Variants in FOXP1 observed in about 807,000 individuals in gnomAD.
The protein encoded by FOXP1 is forkhead box protein P1.
In FOXP1, 15 loss-of-function variants were observed where a neutral mutation model predicts 98.2. That is an observed-to-expected ratio of 0.15 (90% CI 0.10 to 0.24). The LOEUF (loss-of-function observed/expected upper bound fraction) is 0.24, where lower values mean the gene tolerates loss of function less well. Among genes scored for constraint, FOXP1 ranks in the 10% least tolerant of loss-of-function variants. The pLI is 1.00. For synonymous variants in FOXP1, 371 were observed against 314.5 expected (o/e 1.18, Z -1.90); for missense variants, 633 against 848.5 (o/e 0.75, Z 3.15).
At chr3:71,472,668 C>A (rs115927074) in intron 3 of FOXP1, among the ~76,000 whole-genome samples, 50 of 152,252 alleles carry the variant, frequency 3.3e-4, no homozygotes, top group African/African-American at 1.2e-3. Context: ...AATCCAAGCT[C>A]CCATTTTACT....
chr3:70,974,381 T>C (rs565472419), intron 17 of FOXP1, among the ~76,000 whole-genome samples: 1 of 152,300 alleles, frequency 6.6e-6, no homozygotes, highest in South Asian at 2.1e-4. Flanking sequence ...CACTGAAGCC[T>C]TGTATTCCTG....
At chr3:71,380,464 T>C (rs1266054440) in intron 3 of FOXP1, among the ~76,000 whole-genome samples, 2 of 152,204 alleles carry the variant, frequency 1.3e-5, no homozygotes, top group African/African-American at 4.8e-5. Flanking sequence ...CCAGAAAATA[T>C]TGCTTGGCAG....
At chr3:71,206,831 G>C (rs1238791421) in intron 5 of FOXP1, among the ~76,000 whole-genome samples, 1 of 152,140 alleles carries the variant, frequency 6.6e-6, no homozygotes, top group East Asian at 1.9e-4. Flanking sequence ...GGTGGGTCTT[G>C]GTTCGCTTCT....
At chr3:71,538,107 A>C (rs2107586721) in intron 2 of FOXP1, among the ~76,000 whole-genome samples, 1 of 152,334 alleles carries the variant, frequency 6.6e-6, no homozygotes, top group South Asian at 2.1e-4. Flanking sequence ...AAAAGAGAGC[A>C]CAATCAGCAG....
chr3:71,118,767 T>C (rs1002456444), intron 6 of FOXP1, among the ~76,000 whole-genome samples: 1 of 152,256 alleles, frequency 6.6e-6, no homozygotes, highest in African/African-American at 2.4e-5. Flanking sequence ...AATAAGATTA[T>C]ATTATGACAT....
At chr3:71,204,266 C>A (rs766929827) in intron 5 of FOXP1, among the ~76,000 whole-genome samples, 6 of 152,228 alleles carry the variant, frequency 3.9e-5, no homozygotes, top group Non-Finnish European at 4.4e-5. Flanking sequence ...AGTTCTGGTT[C>A]TCATCAAGCA....
intron 5 of FOXP1, chr3:71,292,550 G>C (rs1015285172): frequency 2.6e-5 from 4 of 152,030 alleles, no homozygotes; most frequent in African/African-American, 9.7e-5. Context: ...GACCAGGCTG[G>C]TCTCAAACTC....
chr3:71,133,777 G>T (rs565065027), intron 6 of FOXP1, among the ~76,000 whole-genome samples: 1 of 151,614 alleles, frequency 6.6e-6, no homozygotes, highest in Admixed American at 6.6e-5. Flanking sequence ...TTGAGTACAC[G>T]TTACATTGCA....
At chr3:70,981,304 A>G (rs1450035435) in intron 14 of FOXP1, among the ~76,000 whole-genome samples, 2 of 152,066 alleles carry the variant, frequency 1.3e-5, no homozygotes, top group East Asian at 1.9e-4. Context: ...GCTTTTGAAC[A>G]TTAGCAAGTG....
chr3:71,260,891 G>A (rs2069077109), intron 5 of FOXP1, among the ~76,000 whole-genome samples: 1 of 152,012 alleles, frequency 6.6e-6, no homozygotes, highest in East Asian at 1.9e-4. Context: ...AAAAGTTAGG[G>A]GCAAAAGCTG....
At chr3:71,403,694 C>CA (rs771023664) in intron 3 of FOXP1, among the ~76,000 whole-genome samples, 35 of 151,694 alleles carry the variant, frequency 2.3e-4, no homozygotes, top group Admixed American at 8.5e-4. Flanking sequence ...ATTAAAAATA[C>CA]AAAAAAAATA....
chr3:71,547,104 T>C (rs999835784), intron 2 of FOXP1, among the ~76,000 whole-genome samples: 2 of 152,124 alleles, frequency 1.3e-5, no homozygotes, highest in Non-Finnish European at 2.9e-5. Flanking sequence ...TCTTATGAAA[T>C]ACAAAAAGGT....
chr3:71,521,457 G>T (rs747576796), intron 2 of FOXP1, among the ~76,000 whole-genome samples: 2 of 151,304 alleles, frequency 1.3e-5, no homozygotes, highest in Non-Finnish European at 2.9e-5. Context: ...AGCCTGGGAG[G>T]TGGAGATTGT....
intron 5 of FOXP1, among the ~76,000 whole-genome samples, chr3:71,238,424 A>G (rs2066973528): frequency 6.6e-6 from 1 of 151,990 alleles, no homozygotes; most frequent in Admixed American, 6.5e-5. Flanking sequence ...GCATGCCTCT[A>G]AAGGGGTGTG....
At chr3:71,044,392 G>A (rs1037340959) in intron 10 of FOXP1, among the ~76,000 whole-genome samples, 1 of 152,192 alleles carries the variant, frequency 6.6e-6, no homozygotes, top group African/African-American at 2.4e-5. Flanking sequence ...ACTGGTGCTA[G>A]GGAGGATGAG....
rs149650157 is a variant in FOXP1 at position 71,075,473 on chromosome 3, C to T, written c.283-21700G>A. ...TTGTGCTGTAGGTACTGTTGATCCT[C>T]ACTCCAAAATTTAACTCAGCAGCGG... On this transcript the variant is annotated intron_variant, in intron 7 of 20. Coordinates refer to ENST00000649528, the MANE Select transcript of FOXP1 (RefSeq NM_001349338.3). 1.5e-3 allele frequency among the ~76,000 whole-genome samples: 221 copies of T among 152,314 alleles called. 1 individual carries two copies. Among genetic ancestry groups the T allele is most frequent in the African/African-American group, 4.9e-3 (202 of 41,564 alleles).
At chr3:71,149,977 C>T (rs528209628) in intron 6 of FOXP1, among the ~76,000 whole-genome samples, 1 of 152,354 alleles carries the variant, frequency 6.6e-6, no homozygotes, top group East Asian at 1.9e-4. Flanking sequence ...CATCTTGATA[C>T]ACAGTCTAAT....
chr3:71,520,494 T>A (rs776836652), intron 2 of FOXP1, among the ~76,000 whole-genome samples: 12 of 152,214 alleles, frequency 7.9e-5, no homozygotes, highest in Non-Finnish European at 1.3e-4. Context: ...TCCCCGTCTG[T>A]CACTAAGGTT....
intron 3 of FOXP1, among the ~76,000 whole-genome samples, chr3:71,445,501 T>A (rs1409799466): frequency 2.6e-5 from 4 of 152,116 alleles, no homozygotes; most frequent in Non-Finnish European, 5.9e-5. Context: ...TAGTATGAAC[T>A]CCATGGCTTT....
Sources: allele counts gnomAD v4.1 joint callset (sites outside exome capture counted in the v4.1 genomes callset), GRCh38; gene constraint gnomAD v4.1.1; transcripts MANE v1.5; gene names NCBI Gene and HGNC (gene_info 2026-07-23, HGNC 2026-07-21).